The following CBR4 variants were observed in gnomAD, a reference collection of about 807,000 sequenced individuals.
CBR4 encodes the protein carbonyl reductase 4.
In CBR4, 22 loss-of-function variants were observed where a neutral mutation model predicts 21.0. The ratio of observed to expected loss-of-function variants is 1.05; its 90% CI spans 0.75 to 1.50. The LOEUF (loss-of-function observed/expected upper bound fraction) is 1.50, where lower values mean the gene tolerates loss of function less well. Among genes scored for constraint, CBR4 ranks in the 40% most tolerant of loss-of-function variants. CBR4 has a pLI of 0.00. For missense variants in CBR4, 302 were observed against 286.3 expected, an observed-to-expected ratio of 1.05 and a Z score of -0.40; for synonymous variants, 100 against 104.4, an observed-to-expected ratio of 0.96 and a Z score of 0.26.
chr4:169,007,850 T>C, intron 1 of CBR4, 94 bp from the exon 2 acceptor site: 1 of 840,238 alleles, frequency 1.2e-6, no homozygotes, highest in Non-Finnish European at 1.8e-6. Flanking sequence ...ATGGCAGGCC[T>C]GTGCTAATCT....
rs587780201 is a variant in CBR4, at chr4:168,924,984, T to G, written n.170-30219A>C. On this transcript the variant is annotated intron_variant and non_coding_transcript_variant, in intron 2 of 3. Transcript: ENST00000509108. ...ACCACGGCTACATCTGCCTGCTCATTCAGGGAGCCACAAAAGAAGATGCTG... is the reference window on the plus strand; with the variant it reads ...ACCACGGCTACATCTGCCTGCTCATGCAGGGAGCCACAAAAGAAGATGCTG... The G allele has an allele frequency of 3.7e-6, 6 of 1,614,128 alleles. No individual in the cohort carries two copies. Among genetic ancestry groups the G allele is most frequent in the Non-Finnish European group, 5.1e-6 (6 of 1,179,984 alleles).
chr4:169,004,687 C>A (rs62334864), intron 3 of CBR4, among the ~76,000 whole-genome samples: 1 of 152,282 alleles, frequency 6.6e-6, no homozygotes, highest in East Asian at 1.9e-4. Context: ...TCGCTTTATT[C>A]CGGTGGAGCA....
intron 2 of CBR4, chr4:168,903,630 T>G: frequency 2.6e-6 from 2 of 756,880 alleles, no homozygotes; most frequent in South Asian, 1.5e-5. Flanking sequence ...TAGTCAGGTA[T>G]TTGGTTTAAC....
At chr4:168,991,805 A>G (rs550832667) in intron 4 of CBR4, among the ~76,000 whole-genome samples, 40 of 152,214 alleles carry the variant, frequency 2.6e-4, no homozygotes, top group Non-Finnish European at 5.3e-4. Context: ...CATGAAAAGA[A>G]TAGAAAAAAA....
intron 4 of CBR4, among the ~76,000 whole-genome samples, chr4:169,000,072 A>T (rs543461655): frequency 2.0e-5 from 3 of 152,350 alleles, no homozygotes; most frequent in South Asian, 4.1e-4. Context: ...ATTATCATGA[A>T]CTAAAATTAA....
intron 4 of CBR4, among the ~76,000 whole-genome samples, chr4:169,000,224 A>C (rs1175096199): frequency 6.6e-6 from 1 of 152,182 alleles, no homozygotes; most frequent in Non-Finnish European, 1.5e-5. Flanking sequence ...GCATACACAA[A>C]GAGAAAACAG....
At chr4:168,927,113 C>A (rs1183190450) in intron 2 of CBR4, 4 of 225,326 alleles carry the variant, frequency 1.8e-5, no homozygotes, top group Non-Finnish European at 3.5e-5. Context: ...CTGAATAAAG[C>A]AGAAATATAT....
chr4:168,982,230 A>G (rs1206624522), intron 2 of CBR4, among the ~76,000 whole-genome samples: 1 of 152,238 alleles, frequency 6.6e-6, no homozygotes, highest in Non-Finnish European at 1.5e-5. Flanking sequence ...GAAATCTATC[A>G]AGCAAATGGA....
chr4:168,961,946 AGG>A (rs1424347113), intron 2 of CBR4, among the ~76,000 whole-genome samples: 1 of 892 alleles, frequency 1.1e-3, no homozygotes, highest in African/African-American at 4.7e-3. Flanking sequence ...AGCACAGGAG[AGG>A]AGAGGAGAGG....
At chr4:168,921,230 AC>A (rs905706734) in intron 2 of CBR4, among the ~76,000 whole-genome samples, 2 of 151,914 alleles carry the variant, frequency 1.3e-5, no homozygotes, top group Non-Finnish European at 2.9e-5. Flanking sequence ...ACATAGTGAA[AC>A]CCTATCTCTA....
intron 2 of CBR4, among the ~76,000 whole-genome samples, chr4:168,918,492 CATAGT>C (rs1052771633): frequency 3.9e-5 from 6 of 152,132 alleles, no homozygotes; most frequent in African/African-American, 1.2e-4. Flanking sequence ...AAGTTGAACT[CATAGT>C]AGAGAATAGA....
At chr4:168,898,451 AGAAGGGATTG>A in intron 2 of CBR4, 1 of 1,277,394 alleles carries the variant, frequency 7.8e-7, no homozygotes, top group Non-Finnish European at 1.1e-6. Flanking sequence ...ACACTTTGTC[AGAAGGGATTG>A]AGTCTGCTAA....
At chr4:168,946,167 T>C (rs944798495) in intron 2 of CBR4, among the ~76,000 whole-genome samples, 1 of 152,152 alleles carries the variant, frequency 6.6e-6, no homozygotes, top group Non-Finnish European at 1.5e-5. Flanking sequence ...TGCTAACAAC[T>C]GAGGAATAAA....
chr4:168,924,855 G>A lies in CBR4; in HGVS notation n.170-30090C>T, dbSNP rs983488446. On this transcript the variant is annotated intron_variant and non_coding_transcript_variant, in intron 2 of 3. Coordinates refer to the CBR4 transcript ENST00000509108. The stretch of plus-strand genomic sequence containing the variant: ...TATTATCAGCTACTTGCACAATTCT[G>A]TTTCTAATGATCTAATTAAAAATGA... 5 of 1,309,578 alleles carry A rather than the reference G, an allele frequency of 3.8e-6. No individual in the cohort carries two copies. In the African/African-American group the frequency reaches 5.8e-5, roughly 15 times the overall value. 81.1% of individuals were successfully genotyped at this position (1,309,578 alleles called of 1,614,324 possible). A position where few individuals can be genotyped will look rare whatever the true frequency, so the allele number is the denominator to read the frequency against.
chr4:168,905,768 A>G (rs1757604425), intron 2 of CBR4, among the ~76,000 whole-genome samples: 1 of 151,152 alleles, frequency 6.6e-6, no homozygotes, highest in Non-Finnish European at 1.5e-5. Flanking sequence ...TGAAGAAACA[A>G]AAGCGGAACT....
At position 169,007,696 on chromosome 4, in the gene CBR4, T is replaced by C; in HGVS notation, c.203A>G (p.Glu68Gly). Residue 68 changes from glutamate to glycine, a missense_variant, in exon 2 of 5, where the codon GAA becomes GGA. By Grantham distance (98) the Glu-to-Gly change is moderately conservative. Transcript: ENST00000306193. ...TCGACCTAAATGTTTCTCCAGCTCT[T>C]CAAATGTATTTTGAACATCATGTTC... ...AKEHDVQNTF[E>G]ELEKHLGRVN... The C allele has an allele frequency of 6.3e-7, 1 of 1,596,242 alleles. No individual in the cohort carries two copies. The highest frequency in any genetic ancestry group is 1.3e-5 in the African/African-American group (1 of 74,434).
chr4:168,896,548 G>T, intron 2 of CBR4: 1 of 1,480,850 alleles, frequency 6.8e-7, no homozygotes, highest in Non-Finnish European at 9.1e-7. Context: ...TACCATTACA[G>T]GACATTGGTT....
chr4:169,007,148 A>T (rs529875138), intron 2 of CBR4, among the ~76,000 whole-genome samples: 2 of 152,300 alleles, frequency 1.3e-5, no homozygotes, highest in South Asian at 4.1e-4. Flanking sequence ...AACCCCTAAA[A>T]AGTAGTAACA....
downstream of CBR4, among the ~76,000 whole-genome samples, chr4:168,986,551 GTTTT>G (rs1048654560): frequency 5.9e-5 from 9 of 152,164 alleles, no homozygotes; most frequent in African/African-American, 2.2e-4. Context: ...GTTTTTTGTT[GTTTT>G]TTTGTCACCA....
Sources: gnomAD v4.1 joint callset for allele counts (sites outside exome capture counted in the v4.1 genomes callset) on GRCh38, gnomAD v4.1.1 for gene constraint, MANE v1.5 for transcripts, NCBI Gene and HGNC (gene_info 2026-07-23, HGNC 2026-07-21) for gene names.